Variants in NKAIN2 observed in about 807,000 individuals in gnomAD.
NKAIN2 encodes the protein sodium/potassium transporting ATPase interacting 2, also known as sodium/potassium-transporting ATPase subunit beta-1-interacting protein 2.
NKAIN2 carries 14 observed loss-of-function variants against 32.6 expected under a neutral mutation model. The observed-to-expected ratio is 0.43, with a 90% confidence interval of 0.28 to 0.67. The LOEUF (loss-of-function observed/expected upper bound fraction) is 0.67, where lower values mean the gene tolerates loss of function less well. Among genes scored for constraint, NKAIN2 ranks in the 30% least tolerant of loss-of-function variants. NKAIN2 has a pLI of 0.17. For synonymous variants in NKAIN2, 80 were observed against 87.2 expected (o/e 0.92, Z 0.46); for missense variants, 198 against 258.3 (o/e 0.77, Z 1.60).
intron 1 of NKAIN2, among the ~76,000 whole-genome samples, chr6:124,280,596 A>G (rs1795243944): frequency 6.6e-6 from 1 of 152,114 alleles, no homozygotes; most frequent in African/African-American, 2.4e-5. Flanking sequence ...ATGTGATAAT[A>G]CATGCCTGGA....
chr6:124,562,904 C>CT (rs34572745), intron 3 of NKAIN2, among the ~76,000 whole-genome samples: 6,701 of 131,152 alleles, frequency 0.051, 270 homozygotes, highest in African/African-American at 0.11. Flanking sequence ...TTTTTTGTTT[C>CT]TTTTTTTTTT....
chr6:124,330,988 T>C (rs1293430846), intron 2 of NKAIN2, among the ~76,000 whole-genome samples: 1 of 152,022 alleles, frequency 6.6e-6, no homozygotes, highest in African/African-American at 2.4e-5. Flanking sequence ...CACCCATCTG[T>C]CCATGGAAAA....
chr6:124,544,091 A>G (rs1268790195), intron 3 of NKAIN2, among the ~76,000 whole-genome samples: 1 of 152,146 alleles, frequency 6.6e-6, no homozygotes, highest in Non-Finnish European at 1.5e-5. Context: ...TAGAGAAGAA[A>G]CTACATGTAG....
chr6:123,841,553 A>G (rs767697679), intron 1 of NKAIN2, among the ~76,000 whole-genome samples: 1 of 152,168 alleles, frequency 6.6e-6, no homozygotes, highest in Non-Finnish European at 1.5e-5. Context: ...ACTTTCTTTT[A>G]TGACATCCAT....
chr6:124,478,291 A>G (rs1453263583), intron 3 of NKAIN2, among the ~76,000 whole-genome samples: 2 of 152,208 alleles, frequency 1.3e-5, no homozygotes, highest in Non-Finnish European at 2.9e-5. Context: ...TGTTTAAAAA[A>G]AGCACTGCTC....
intron 1 of NKAIN2, among the ~76,000 whole-genome samples, chr6:124,140,655 T>C (rs1176771851): frequency 6.6e-6 from 1 of 152,208 alleles, no homozygotes; most frequent in Non-Finnish European, 1.5e-5. Flanking sequence ...ATAAGGTATC[T>C]GCACCAGTTG....
intron 3 of NKAIN2, among the ~76,000 whole-genome samples, chr6:124,375,627 A>G (rs954140051): frequency 2.6e-5 from 4 of 151,914 alleles, no homozygotes; most frequent in Non-Finnish European, 4.4e-5. Context: ...AATAAAGAAC[A>G]AAACAAAACA....
At chr6:123,892,610 AC>A (rs1278845567) in intron 1 of NKAIN2, among the ~76,000 whole-genome samples, 1 of 151,804 alleles carries the variant, frequency 6.6e-6, no homozygotes, top group East Asian at 2.0e-4. Flanking sequence ...ACAGACCCAA[AC>A]CGTATCAATG....
intron 1 of NKAIN2, among the ~76,000 whole-genome samples, chr6:123,922,382 G>A (rs560825329): frequency 6.6e-6 from 1 of 152,282 alleles, no homozygotes; most frequent in South Asian, 2.1e-4. Flanking sequence ...GGAATGAAAT[G>A]TTTTACATAT....
intron 1 of NKAIN2, among the ~76,000 whole-genome samples, chr6:124,200,139 A>G (rs1790527561): frequency 6.6e-6 from 1 of 152,144 alleles, no homozygotes; most frequent in Non-Finnish European, 1.5e-5. Flanking sequence ...CAGCCAGATG[A>G]CAATGAAATA....
intron 1 of NKAIN2, among the ~76,000 whole-genome samples, chr6:124,019,197 A>T (rs1331459699): frequency 1.3e-5 from 2 of 152,172 alleles, no homozygotes; most frequent in African/African-American, 4.8e-5. Context: ...CATGGGAATT[A>T]TGGGAGCTAA....
At chr6:124,625,060 G>A (rs921502719) in intron 3 of NKAIN2, among the ~76,000 whole-genome samples, 2 of 152,054 alleles carry the variant, frequency 1.3e-5, no homozygotes, top group African/African-American at 4.8e-5. Context: ...AAAATACTAA[G>A]TAGGAAGAAC....
chr6:123,884,834 GCTGAGCAACAAC>G (rs1312714538), intron 1 of NKAIN2, among the ~76,000 whole-genome samples: 1 of 151,776 alleles, frequency 6.6e-6, no homozygotes, highest in African/African-American at 2.4e-5. Flanking sequence ...TACTATTTCA[GCTGAGCAACAAC>G]GTCTTGATTA....
chr6:124,382,053 G>T (rs1218088717), intron 3 of NKAIN2, among the ~76,000 whole-genome samples: 3 of 151,988 alleles, frequency 2.0e-5, no homozygotes, highest in African/African-American at 7.2e-5. Context: ...AGTTTAGATG[G>T]TTTTTAGGAA....
intron 3 of NKAIN2, among the ~76,000 whole-genome samples, chr6:124,423,458 TTA>T (rs1409524133): frequency 6.6e-6 from 1 of 152,202 alleles, no homozygotes; most frequent in African/African-American, 2.4e-5. Flanking sequence ...GAGCACATAT[TTA>T]TGTTTCTAGC....
At chr6:124,282,206 T>C in intron 1 of NKAIN2, 1 of 312,220 alleles carries the variant, frequency 3.2e-6, no homozygotes, top group Non-Finnish European at 6.3e-6. Context: ...TGCTTAGATT[T>C]TTATATGTCT....
chr6:124,624,249 A>G (rs946206246), intron 3 of NKAIN2, among the ~76,000 whole-genome samples: 1 of 152,152 alleles, frequency 6.6e-6, no homozygotes, highest in Non-Finnish European at 1.5e-5. Context: ...ATGGGAGGGC[A>G]TTTTGCTTGA....
At chr6:123,909,612 C>A (rs892730648) in intron 1 of NKAIN2, among the ~76,000 whole-genome samples, 10 of 152,198 alleles carry the variant, frequency 6.6e-5, no homozygotes, top group Non-Finnish European at 8.8e-5. Context: ...CCACCCAACC[C>A]AGCTTCTCTT....
intron 3 of NKAIN2, among the ~76,000 whole-genome samples, chr6:124,405,537 CT>C (rs200131120): frequency 0.078 from 10,892 of 139,212 alleles, 1,106 homozygotes; most frequent in African/African-American, 0.24. Flanking sequence ...TTTGTTTTGT[CT>C]TTTTTTTTTT....
Sources: gnomAD v4.1 joint callset for allele counts (sites outside exome capture counted in the v4.1 genomes callset) on GRCh38, gnomAD v4.1.1 for gene constraint, MANE v1.5 for transcripts, NCBI Gene and HGNC (gene_info 2026-07-23, HGNC 2026-07-21) for gene names.